CPEB1: variants seen among roughly 807,000 people sequenced by gnomAD.
CPEB1 encodes cytoplasmic polyadenylation element binding protein 1, also known as cytoplasmic polyadenylation element-binding protein 1.
Under a neutral mutation model 65.8 loss-of-function variants are expected in CPEB1, and 7 were observed. The ratio of observed to expected loss-of-function variants is 0.11; its 90% confidence interval spans 0.06 to 0.20. The LOEUF (loss-of-function observed/expected upper bound fraction) is 0.20, where lower values mean the gene tolerates loss of function less well. Among genes scored for constraint, CPEB1 ranks in the 10% least tolerant of loss-of-function variants. CPEB1 has a pLI of 1.00. For missense variants in CPEB1, 551 were observed against 712.2 expected (o/e 0.77, Z 2.58); for synonymous variants, 262 against 260.0 (o/e 1.01, Z -0.08).
At chr15:82,637,096 C>T (rs2046724030) in intron 1 of CPEB1, among the ~76,000 whole-genome samples, 4 of 152,190 alleles carry the variant, frequency 2.6e-5, no homozygotes, top group Non-Finnish European at 5.9e-5. Context: ...AACTTGGAGT[C>T]TGGGATTCTG....
intron 3 of CPEB1, among the ~76,000 whole-genome samples, chr15:82,619,256 A>G (rs985158415): frequency 6.6e-6 from 1 of 152,212 alleles, no homozygotes; most frequent in Non-Finnish European, 1.5e-5. Context: ...ACACAGAACA[A>G]AATTAATCTT....
intron 3 of CPEB1, among the ~76,000 whole-genome samples, chr15:82,575,283 ACT>A (rs1392909811): frequency 6.6e-6 from 1 of 152,200 alleles, no homozygotes; most frequent in Non-Finnish European, 1.5e-5. Context: ...GAGGGAATAA[ACT>A]CTGACCTATA....
chr15:82,591,343 CCT>C (rs1174267215), intron 3 of CPEB1, among the ~76,000 whole-genome samples: 1 of 152,194 alleles, frequency 6.6e-6, no homozygotes, highest in Non-Finnish European at 1.5e-5. Context: ...CTCACCGCAA[CCT>C]CTGCCTCCCA....
At chr15:82,641,223 A>T (rs2047082599) in intron 1 of CPEB1, among the ~76,000 whole-genome samples, 1 of 152,128 alleles carries the variant, frequency 6.6e-6, no homozygotes, top group Admixed American at 6.6e-5. Context: ...CAATTCCAAG[A>T]TTACAGCTTT....
Position 82,553,554 on chromosome 15 carries a change from C to T in CPEB1, c.1057G>A (p.Gly353Arg). 3 of 1,609,710 alleles carry T rather than the reference C, an allele frequency of 1.9e-6. No homozygotes were observed. Among genetic ancestry groups the T allele is most frequent in the Non-Finnish European group, 2.5e-6 (3 of 1,176,876 alleles). Residue 353 changes from glycine to arginine, a missense_variant and splice_region_variant, in exon 8 of 13, where the codon GGA becomes AGA. Transcript: ENST00000684509. ...AAAACACGGAAGGTGTTAACTAATC[C>T]AGCTGCAAAGAGACAGAAAAGAATG... ...GGVPWDITEA[G>R]LVNTFRVFGS...
At chr15:82,576,481 G>C (rs1354239869) in intron 3 of CPEB1, among the ~76,000 whole-genome samples, 1 of 152,192 alleles carries the variant, frequency 6.6e-6, no homozygotes, top group African/African-American at 2.4e-5. Context: ...TTGAATACTA[G>C]TTAATGATAT....
At chr15:82,603,519 G>A (rs2043294655) in intron 3 of CPEB1, among the ~76,000 whole-genome samples, 1 of 128,866 alleles carries the variant, frequency 7.8e-6, no homozygotes, top group Admixed American at 7.7e-5. Flanking sequence ...GGGAATCTAG[G>A]CTAACCTGCA....
intron 3 of CPEB1, among the ~76,000 whole-genome samples, chr15:82,585,116 G>C (rs1227323665): frequency 6.6e-6 from 1 of 151,990 alleles, no homozygotes; most frequent in Non-Finnish European, 1.5e-5. Context: ...TTAAAAATAA[G>C]AGTGACTTTG....
At chr15:82,553,300 T>A (rs2036600604) in intron 8 of CPEB1, 167 bp downstream of exon 8, 1 of 617,446 alleles carries the variant, frequency 1.6e-6, no homozygotes. Flanking sequence ...CAGAGGGACA[T>A]GTTAGGTTGA....
intron 3 of CPEB1, among the ~76,000 whole-genome samples, chr15:82,576,006 T>C (rs1375080927): frequency 6.6e-6 from 1 of 152,222 alleles, no homozygotes; most frequent in South Asian, 2.1e-4. Flanking sequence ...TAAAAGTGTA[T>C]GTCTAATAAA....
intron 3 of CPEB1, chr15:82,572,930 A>G (rs1482570553): frequency 8.7e-7 from 1 of 1,143,884 alleles, no homozygotes; most frequent in Non-Finnish European, 1.2e-6. Context: ...TCCTTTTCCA[A>G]CATGAGCCCA....
At chr15:82,544,919 A>G (rs556161515) in intron 12 of CPEB1, among the ~76,000 whole-genome samples, 1 of 152,158 alleles carries the variant, frequency 6.6e-6, no homozygotes, top group Non-Finnish European at 1.5e-5. Flanking sequence ...CCCCTTACTT[A>G]AACATGTTGG....
At chr15:82,645,727 G>A (rs773702011) in intron 1 of CPEB1, among the ~76,000 whole-genome samples, 1 of 151,990 alleles carries the variant, frequency 6.6e-6, no homozygotes, top group African/African-American at 2.4e-5. Context: ...AATCAGCCGC[G>A]CGTGGTGGCA....
chr15:82,625,556 G>A (rs1477889789), intron 3 of CPEB1, among the ~76,000 whole-genome samples: 9 of 152,244 alleles, frequency 5.9e-5, no homozygotes, highest in East Asian at 5.8e-4. Flanking sequence ...ACCAAAATCC[G>A]CACATACTCA....
chr15:82,598,200 G>A lies in CPEB1; in HGVS notation c.272-26668C>T, dbSNP rs1381407533. On this transcript the variant is annotated intron_variant, in intron 3 of 12. Coordinates refer to ENST00000684509, the MANE Select transcript of CPEB1 (RefSeq NM_001365242.1). ...CAAAAACAAATGTCATTTAGGCTAG[G>A]TGCGGTGGCTCACGCCTGTAATCCT... Among the ~76,000 whole-genome samples the A allele has an allele frequency of 5.9e-5, 9 of 152,360 alleles. No individual in the cohort carries two copies. The East Asian group carries it at 1.5e-3, about 26-fold the overall frequency.
chr15:82,640,860 G>C (rs573232714), intron 1 of CPEB1: 2 of 150,314 alleles, frequency 1.3e-5, no homozygotes, highest in African/African-American at 4.9e-5. Flanking sequence ...GGGGAGAAAA[G>C]GAAGCCTGCA....
chr15:82,633,810 A>G (rs987607227), intron 1 of CPEB1, among the ~76,000 whole-genome samples: 5 of 152,232 alleles, frequency 3.3e-5, no homozygotes, highest in African/African-American at 1.2e-4. Context: ...TGGTCTGAAG[A>G]AAAGCATTTC....
At chr15:82,622,380 C>G (rs1006810801) in intron 3 of CPEB1, among the ~76,000 whole-genome samples, 2 of 151,948 alleles carry the variant, frequency 1.3e-5, no homozygotes, top group African/African-American at 4.8e-5. Context: ...ACGGGGAATT[C>G]AGATGCTCCA....
chr15:82,562,070 T>C (rs1176755194), intron 4 of CPEB1: 2 of 379,436 alleles, frequency 5.3e-6, no homozygotes, highest in Admixed American at 7.0e-5. Flanking sequence ...AAACCAAGAC[T>C]TGGGGCAGTC....
Sources: allele counts gnomAD v4.1 joint callset (sites outside exome capture counted in the v4.1 genomes callset), GRCh38; gene constraint gnomAD v4.1.1; transcripts MANE v1.5; gene names NCBI Gene and HGNC (gene_info 2026-07-23, HGNC 2026-07-21).